OR56A3: variants seen among roughly 807,000 people sequenced by gnomAD.
OR56A3 encodes the protein olfactory receptor 56A3.
OR56A3 carries 23 observed loss-of-function variants against 17.5 expected under a neutral mutation model. The ratio of observed to expected loss-of-function variants is 1.32; its 90% CI spans 0.95 to 1.87. The LOEUF (loss-of-function observed/expected upper bound fraction) is 1.87, where lower values mean the gene tolerates loss of function less well. Ranked by LOEUF, OR56A3 falls within the 40% of genes most tolerant of loss-of-function variation. The pLI, the probability that OR56A3 is intolerant of heterozygous loss-of-function variation, is 0.00. For synonymous variants in OR56A3, 175 were observed against 150.6 expected, an observed-to-expected ratio of 1.16 and a Z score of -1.19; for missense variants, 366 against 380.1, an observed-to-expected ratio of 0.96 and a Z score of 0.31.
downstream of OR56A3, among the ~76,000 whole-genome samples, chr11:5,953,546 T>C (rs556307870): frequency 6.6e-6 from 1 of 152,274 alleles, no homozygotes; most frequent in African/African-American, 2.4e-5. Context: ...TGCCATATGA[T>C]TGAAAGCTGA....
At chr11:5,985,860 A>G in the OR56A3 span, 2 of 1,336,352 alleles carry the variant, frequency 1.5e-6, no homozygotes, top group Admixed American at 2.6e-5. Flanking sequence ...GTCTGTATTC[A>G]TGTAATCTAC....
chr11:5,968,376 A>C, the OR56A3 span: 1 of 1,613,806 alleles, frequency 6.2e-7, no homozygotes. Flanking sequence ...CCCCATGGCC[A>C]GGAGGAAGAG....
the OR56A3 span, among the ~76,000 whole-genome samples, chr11:5,959,479 A>G: frequency 1.3e-5 from 2 of 151,930 alleles, no homozygotes; most frequent in Non-Finnish European, 2.9e-5. Context: ...GTCTACTCAG[A>G]TATTTTGCCT....
At chr11:6,006,175 T>C in the OR56A3 span, 1 of 152,166 alleles carries the variant, frequency 6.6e-6, no homozygotes, top group Non-Finnish European at 1.5e-5. Flanking sequence ...AAGACATATG[T>C]TCTTTTGGAC....
chr11:5,968,629 C>A, the OR56A3 span: 3 of 670,764 alleles, frequency 4.5e-6, no homozygotes, highest in Non-Finnish European at 7.4e-6. Context: ...ATACAGATGA[C>A]CAATCCCAAA....
chr11:5,953,264 C>T (rs1404593764), downstream of OR56A3, among the ~76,000 whole-genome samples: 1 of 152,154 alleles, frequency 6.6e-6, no homozygotes, highest in Non-Finnish European at 1.5e-5. Context: ...TTTACATTCC[C>T]ACCAACAGCT....
the OR56A3 span, among the ~76,000 whole-genome samples, chr11:5,974,948 CTT>C: frequency 1.3e-5 from 2 of 152,174 alleles, no homozygotes; most frequent in African/African-American, 4.8e-5. Context: ...TGATTGATTT[CTT>C]TGTGTCCTCC....
At chr11:5,961,274 G>A in the OR56A3 span, among the ~76,000 whole-genome samples, 10 of 152,248 alleles carry the variant, frequency 6.6e-5, no homozygotes, top group East Asian at 3.8e-4. Context: ...CATTGAGAAC[G>A]GGCCATGATG....
the OR56A3 span, among the ~76,000 whole-genome samples, chr11:6,017,781 A>G: frequency 2.6e-5 from 4 of 152,188 alleles, no homozygotes; most frequent in African/African-American, 9.7e-5. Flanking sequence ...GGCTGATAAG[A>G]TTTTTTAATC....
the OR56A3 span, chr11:5,986,089 C>T: frequency 2.0e-5 from 32 of 1,613,888 alleles, no homozygotes; most frequent in South Asian, 1.6e-4. Flanking sequence ...ATGACCAAAG[C>T]GGTGAGTGAG....
chr11:5,991,322 ACAGGTTAGCTCT>A, the OR56A3 span, among the ~76,000 whole-genome samples: 1 of 152,102 alleles, frequency 6.6e-6, no homozygotes, highest in Non-Finnish European at 1.5e-5. Flanking sequence ...CCACAGGCTC[ACAGGTTAGCTCT>A]CAGCCCTCCC....
At chr11:5,964,759 A>C in the OR56A3 span, among the ~76,000 whole-genome samples, 1 of 152,188 alleles carries the variant, frequency 6.6e-6, no homozygotes, top group Non-Finnish European at 1.5e-5. Context: ...CAGTTTACAG[A>C]TATTGGCATG....
chr11:5,976,904 G>A, the OR56A3 span, among the ~76,000 whole-genome samples: 1 of 151,934 alleles, frequency 6.6e-6, no homozygotes, highest in Non-Finnish European at 1.5e-5. Flanking sequence ...AGCGTCTATT[G>A]TTCTCTTCTT....
At chr11:6,016,492 T>C in the OR56A3 span, among the ~76,000 whole-genome samples, 1 of 152,006 alleles carries the variant, frequency 6.6e-6, no homozygotes, top group Non-Finnish European at 1.5e-5. Flanking sequence ...TATAGTTACA[T>C]GCACACACAC....
At chr11:6,005,201 G>A in the OR56A3 span, among the ~76,000 whole-genome samples, 2 of 152,130 alleles carry the variant, frequency 1.3e-5, no homozygotes, top group Admixed American at 1.3e-4. Flanking sequence ...GGGGAAAGGG[G>A]CTGTCATATT....
chr11:5,966,415 ACTT>A, the OR56A3 span, among the ~76,000 whole-genome samples: 3 of 151,976 alleles, frequency 2.0e-5, no homozygotes, highest in Non-Finnish European at 4.4e-5. Context: ...AGATAAACTG[ACTT>A]ATAAGTCTTC....
chr11:6,010,817 ATGTGTGTGTGTGTGTGTG>A, the OR56A3 span, among the ~76,000 whole-genome samples: 2 of 149,766 alleles, frequency 1.3e-5, no homozygotes, highest in African/African-American at 2.5e-5. Flanking sequence ...CAAGACAGAA[ATGTGTGTGTGTGTGTGTG>A]TGTGTGTGTG....
the OR56A3 span, chr11:6,002,004 T>C: frequency 6.7e-7 from 1 of 1,481,972 alleles, no homozygotes; most frequent in Non-Finnish European, 9.0e-7. Context: ...TTCCCAATTT[T>C]CACTAACAAT....
the OR56A3 span, chr11:5,994,643 A>G: frequency 8.0e-5 from 62 of 778,670 alleles, no homozygotes; most frequent in Non-Finnish European, 1.1e-4. Context: ...AGACTGGCAC[A>G]TGGCCAGTTC....
Sources: gnomAD v4.1 joint callset for allele counts (sites outside exome capture counted in the v4.1 genomes callset) on GRCh38, gnomAD v4.1.1 for gene constraint, MANE v1.5 for transcripts, NCBI Gene and HGNC (gene_info 2026-07-23, HGNC 2026-07-21) for gene names.